Variants in MICU1 observed in about 807,000 individuals in gnomAD.
MICU1 encodes calcium uptake protein 1, mitochondrial.
In MICU1, 45 loss-of-function variants were observed where a neutral mutation model predicts 56.8. The ratio of observed to expected loss-of-function variants is 0.79; its 90% CI spans 0.62 to 1.02. The LOEUF (loss-of-function observed/expected upper bound fraction) is 1.02. Among genes scored for constraint, MICU1 ranks in the 50% least tolerant of loss-of-function variants. The pLI, the probability that MICU1 is intolerant of heterozygous loss-of-function variation, is 0.00. For missense variants in MICU1, 504 were observed against 587.1 expected, an observed-to-expected ratio of 0.86 and a Z score of 1.46; for synonymous variants, 186 against 195.1, an observed-to-expected ratio of 0.95 and a Z score of 0.39.
intron 8 of MICU1, among the ~76,000 whole-genome samples, chr10:72,436,766 G>A (rs1864739149): frequency 6.6e-6 from 1 of 152,152 alleles, no homozygotes; most frequent in Non-Finnish European, 1.5e-5. Context: ...CGTGACGTAT[G>A]CACAAGCTTC....
intron 4 of MICU1, among the ~76,000 whole-genome samples, chr10:72,548,677 C>T (rs1451774782): frequency 6.6e-6 from 1 of 152,182 alleles, no homozygotes; most frequent in Non-Finnish European, 1.5e-5. Flanking sequence ...AAAATTTCCA[C>T]AACCAAAAAT....
chr10:72,488,368 C>G (rs1297556036), intron 6 of MICU1, among the ~76,000 whole-genome samples: 2 of 151,896 alleles, frequency 1.3e-5, no homozygotes, highest in Non-Finnish European at 1.5e-5. Flanking sequence ...TTATCTGAAA[C>G]TAAGATTTAC....
intron 3 of MICU1, among the ~76,000 whole-genome samples, chr10:72,551,611 G>T (rs1294489325): frequency 6.6e-6 from 1 of 151,910 alleles, no homozygotes; most frequent in East Asian, 1.9e-4. Flanking sequence ...TTTTTTTGAA[G>T]AATTTTCTAA....
At chr10:72,396,219 A>G (rs573587853) in intron 10 of MICU1, among the ~76,000 whole-genome samples, 1 of 152,238 alleles carries the variant, frequency 6.6e-6, no homozygotes, top group African/African-American at 2.4e-5. Flanking sequence ...AAAACTAACA[A>G]ACAGAAAGGA....
chr10:72,579,626 T>C (rs1840845404), intron 1 of MICU1, among the ~76,000 whole-genome samples: 1 of 152,140 alleles, frequency 6.6e-6, no homozygotes, highest in South Asian at 2.1e-4. Flanking sequence ...TAAGTACATA[T>C]GTGTGAATAG....
At chr10:72,419,383 A>T (rs965760858) in intron 9 of MICU1, among the ~76,000 whole-genome samples, 1 of 152,214 alleles carries the variant, frequency 6.6e-6, no homozygotes, top group Non-Finnish European at 1.5e-5. Context: ...CTTTCCATTA[A>T]TGATGAGTCT....
At chr10:72,414,972 C>A (rs1397361497) in intron 9 of MICU1, among the ~76,000 whole-genome samples, 2 of 151,700 alleles carry the variant, frequency 1.3e-5, no homozygotes, top group Non-Finnish European at 2.9e-5. Context: ...CCATGCCTCT[C>A]ACCATTCTTG....
At chr10:72,457,928 G>A (rs1865522893) in intron 8 of MICU1, among the ~76,000 whole-genome samples, 1 of 152,106 alleles carries the variant, frequency 6.6e-6, no homozygotes, top group Non-Finnish European at 1.5e-5. Flanking sequence ...CAGCACTTTG[G>A]GAAGCCGAGG....
At chr10:72,554,960 A>G (rs545865731) in intron 3 of MICU1, among the ~76,000 whole-genome samples, 1 of 152,354 alleles carries the variant, frequency 6.6e-6, no homozygotes, top group South Asian at 2.1e-4. Context: ...GGTTGCAGTG[A>G]GCCAAGATCG....
intron 5 of MICU1, among the ~76,000 whole-genome samples, chr10:72,512,827 C>T (rs924481141): frequency 2.0e-5 from 3 of 152,102 alleles, no homozygotes; most frequent in African/African-American, 7.2e-5. Context: ...ATCTCAGCCT[C>T]CCCAGTAGCT....
chr10:72,575,800 T>C (rs979023707), intron 1 of MICU1, among the ~76,000 whole-genome samples: 1 of 152,148 alleles, frequency 6.6e-6, no homozygotes, highest in African/African-American at 2.4e-5. Flanking sequence ...TCCTCAAGCC[T>C]TCCCATTCCC....
chr10:72,416,264 T>C (rs1863980394), intron 9 of MICU1, among the ~76,000 whole-genome samples: 2 of 152,224 alleles, frequency 1.3e-5, no homozygotes, highest in African/African-American at 4.8e-5. Context: ...CATAGCTTAG[T>C]ACTCCTTTGG....
chr10:72,444,950 C>A (rs1865062493), intron 8 of MICU1, among the ~76,000 whole-genome samples: 1 of 152,212 alleles, frequency 6.6e-6, no homozygotes, highest in Non-Finnish European at 1.5e-5. Flanking sequence ...TGTGATACTT[C>A]ATTAGAATTG....
At chr10:72,405,312 C>T (rs1252904341) in intron 10 of MICU1, among the ~76,000 whole-genome samples, 7 of 151,964 alleles carry the variant, frequency 4.6e-5, no homozygotes, top group African/African-American at 1.7e-4. Context: ...CTCCACCTCC[C>T]AGGTTCCAGT....
chr10:72,505,598 T>C (rs1202257155), intron 6 of MICU1, among the ~76,000 whole-genome samples: 1 of 152,202 alleles, frequency 6.6e-6, no homozygotes, highest in Admixed American at 6.5e-5. Flanking sequence ...AGAGAAAATG[T>C]GGTACACAAC....
chr10:72,517,983 G>A (rs1348639797), intron 5 of MICU1, among the ~76,000 whole-genome samples: 1 of 151,220 alleles, frequency 6.6e-6, no homozygotes, highest in Non-Finnish European at 1.5e-5. Flanking sequence ...CACTGCCCCA[G>A]AAGTAGTTAT....
chr10:72,399,669 G>T (rs898280489), intron 10 of MICU1, among the ~76,000 whole-genome samples: 2 of 151,436 alleles, frequency 1.3e-5, no homozygotes, highest in Admixed American at 1.3e-4. Flanking sequence ...TAAAAAATAA[G>T]AATAAATTTG....
intron 8 of MICU1, among the ~76,000 whole-genome samples, chr10:72,450,555 C>T (rs1001972987): frequency 6.6e-6 from 1 of 152,074 alleles, no homozygotes; most frequent in Non-Finnish European, 1.5e-5. Context: ...CTAACTCTAA[C>T]AACTTGCAAA....
intron 5 of MICU1, among the ~76,000 whole-genome samples, chr10:72,527,434 C>A (rs1202794413): frequency 6.6e-6 from 1 of 151,886 alleles, no homozygotes; most frequent in African/African-American, 2.4e-5. Flanking sequence ...TGCAGTAGTG[C>A]AATCTGCAGC....
Sources: gnomAD v4.1 joint callset for allele counts (sites outside exome capture counted in the v4.1 genomes callset) on GRCh38, gnomAD v4.1.1 for gene constraint, MANE v1.5 for transcripts, NCBI Gene and HGNC (gene_info 2026-07-23, HGNC 2026-07-21) for gene names.